Variants in HSD17B3 observed in about 807,000 individuals in gnomAD.
HSD17B3 encodes the protein hydroxysteroid 17-beta dehydrogenase 3, also known as 17-beta-hydroxysteroid dehydrogenase type 3.
In HSD17B3, 29 loss-of-function variants were observed where a neutral mutation model predicts 41.1. The ratio of observed to expected loss-of-function variants is 0.71; its 90% CI spans 0.53 to 0.96. The LOEUF (loss-of-function observed/expected upper bound fraction) is 0.96. Among genes scored for constraint, HSD17B3 ranks in the 40% least tolerant of loss-of-function variants. The pLI is 0.00. For missense variants in HSD17B3, 323 were observed against 374.6 expected, an observed-to-expected ratio of 0.86 and a Z score of 1.14; for synonymous variants, 126 against 145.6, an observed-to-expected ratio of 0.87 and a Z score of 0.97.
chr9:96,298,218 T>G (rs1221513774), intron 2 of HSD17B3, among the ~76,000 whole-genome samples, 198 bp downstream of exon 2: 2 of 152,198 alleles, frequency 1.3e-5, no homozygotes, highest in Non-Finnish European at 2.9e-5. Flanking sequence ...TACTGTCACC[T>G]TTGAATATCA....
chr9:96,264,576 T>C (rs907997987), intron 2 of HSD17B3, among the ~76,000 whole-genome samples: 6 of 152,204 alleles, frequency 3.9e-5, no homozygotes, highest in Non-Finnish European at 5.9e-5. Context: ...TTTTGCCATG[T>C]TGGCCAGGCT....
intron 2 of HSD17B3, among the ~76,000 whole-genome samples, chr9:96,256,936 A>C (rs1825685008): frequency 6.6e-6 from 1 of 152,000 alleles, no homozygotes; most frequent in African/African-American, 2.4e-5. Context: ...ATGGATTAAC[A>C]CCATCCCCCA....
intron 2 of HSD17B3, among the ~76,000 whole-genome samples, chr9:96,258,018 T>C (rs1373977090): frequency 1.3e-5 from 2 of 152,234 alleles, no homozygotes; most frequent in South Asian, 4.1e-4. Flanking sequence ...TCATTTGCTA[T>C]GTTATGTGTG....
chr9:96,246,710 G>T, intron 6 of HSD17B3, 120 bp from the exon 7 acceptor site: 2 of 892,164 alleles, frequency 2.2e-6, no homozygotes, highest in South Asian at 1.4e-5. Context: ...CTTCTCAGAC[G>T]GCCTTGAAAA....
intron 2 of HSD17B3, among the ~76,000 whole-genome samples, chr9:96,264,430 A>AG (rs937274915): frequency 6.6e-6 from 1 of 152,220 alleles, no homozygotes; most frequent in African/African-American, 2.4e-5. Context: ...AGGAGGAGGA[A>AG]GAAAAAAAAA....
At position 96,298,446 on chromosome 9, in the gene HSD17B3, G is replaced by A. The variant is rs373922138; in HGVS notation, c.171C>T (p.Gly57=). 7.2e-5 allele frequency: 116 copies of A among 1,613,276 alleles called. No individual in the cohort carries two copies. The highest frequency in any genetic ancestry group is 8.4e-5 in the Non-Finnish European group (99 of 1,179,420). ...ACGAGTACGCTTTCCCAATTCCATC[G>A]CCTGCTCCAGTGATCACTGTGAAAA... ...MGQWAVITGA[G]DGIGKAYSFE... is the part of the protein sequence containing the mutation. The change falls in exon 2 of 11, where the codon GGC becomes GGT. Residue 57 remains glycine (G), a synonymous_variant. Transcript: ENST00000375263.
At chr9:96,278,501 C>G (rs1269401910) in intron 2 of HSD17B3, among the ~76,000 whole-genome samples, 1 of 151,998 alleles carries the variant, frequency 6.6e-6, no homozygotes, top group Non-Finnish European at 1.5e-5. Flanking sequence ...GATGGCAGTG[C>G]TCTTGAAATG....
At chr9:96,244,133 C>A (rs1836560407) in intron 9 of HSD17B3, among the ~76,000 whole-genome samples, 196 bp downstream of exon 9, 1 of 152,210 alleles carries the variant, frequency 6.6e-6, no homozygotes. Context: ...GAAGCCACAG[C>A]AGCAGGTGGG....
chr9:96,246,353 T>G (rs1836661464), intron 7 of HSD17B3: 2 of 644,414 alleles, frequency 3.1e-6, no homozygotes, highest in Admixed American at 4.6e-5. Context: ...ACGTTTGACC[T>G]TCACATGAGC....
rs528130747 is a variant in HSD17B3 at position 96,274,504 on chromosome 9, TGA to T, written c.202-19563_202-19562del. Among the ~76,000 whole-genome samples, 284 of 151,606 alleles carry T rather than the reference TGA, an allele frequency of 1.9e-3. 2 individuals are homozygous for T. The Middle Eastern group carries it at 0.038, about 20-fold the overall frequency. ...AACACAGATAGACAACTCAACAAAA[TGA>T]GGGGGGAAATACATGAATAAAATGA... On this transcript the variant is annotated intron_variant, in intron 2 of 10. Transcript: ENST00000375263.
chr9:96,262,510 T>C (rs1825899563), intron 2 of HSD17B3, among the ~76,000 whole-genome samples: 1 of 151,954 alleles, frequency 6.6e-6, no homozygotes, highest in African/African-American at 2.4e-5. Flanking sequence ...TCCCAAAGTG[T>C]TGGGATTACA....
chr9:96,263,621 C>T (rs1015698860), intron 2 of HSD17B3, among the ~76,000 whole-genome samples: 3 of 151,376 alleles, frequency 2.0e-5, no homozygotes, highest in Non-Finnish European at 4.4e-5. Flanking sequence ...CCCAGCTATT[C>T]GGGAGGCTGA....
intron 2 of HSD17B3, among the ~76,000 whole-genome samples, chr9:96,256,864 T>G (rs1389456544): frequency 6.6e-6 from 1 of 151,988 alleles, no homozygotes; most frequent in Non-Finnish European, 1.5e-5. Flanking sequence ...TGTCAAATTG[T>G]AATCCCCAAT....
chr9:96,250,299 G>A, intron 5 of HSD17B3: 1 of 1,081,768 alleles, frequency 9.2e-7, no homozygotes, highest in Non-Finnish European at 1.1e-6. Flanking sequence ...GAGCAACCCT[G>A]GAACTTGCTT....
chr9:96,296,790 C>T (rs958631756), intron 2 of HSD17B3, among the ~76,000 whole-genome samples: 1 of 151,894 alleles, frequency 6.6e-6, no homozygotes, highest in African/African-American at 2.4e-5. Context: ...GCCTGTAATC[C>T]CAGCACTATG....
At chr9:96,255,248 A>T (rs1463970546) in intron 2 of HSD17B3, among the ~76,000 whole-genome samples, 1 of 152,038 alleles carries the variant, frequency 6.6e-6, no homozygotes, top group Non-Finnish European at 1.5e-5. Flanking sequence ...GCTTCTCTGA[A>T]ATTCATGGGC....
chr9:96,235,919 C>T (rs1282351985), intron 10 of HSD17B3, among the ~76,000 whole-genome samples: 2 of 152,118 alleles, frequency 1.3e-5, no homozygotes, highest in African/African-American at 4.8e-5. Context: ...GATCCTCCCA[C>T]TTCAGCCTCT....
At chr9:96,241,006 C>A in intron 9 of HSD17B3, 99 bp from the exon 10 acceptor site, 1 of 1,400,118 alleles carries the variant, frequency 7.1e-7, no homozygotes, top group South Asian at 1.2e-5. Context: ...TTTCCCGACC[C>A]TTCTCTTCCT....
intron 1 of HSD17B3, among the ~76,000 whole-genome samples, chr9:96,299,153 G>A (rs151102576): frequency 2.6e-5 from 4 of 152,184 alleles, no homozygotes; most frequent in East Asian, 1.9e-4. Context: ...CGCTTCATTC[G>A]TGAGAACGTC....
Sources: allele counts gnomAD v4.1 joint callset (sites outside exome capture counted in the v4.1 genomes callset), GRCh38; gene constraint gnomAD v4.1.1; transcripts MANE v1.5; gene names NCBI Gene and HGNC (gene_info 2026-07-23, HGNC 2026-07-21).